The following AKAP12 variants were observed in gnomAD, a reference collection of about 807,000 sequenced individuals.
The protein encoded by AKAP12 is A-kinase anchoring protein 12, also known as A-kinase anchor protein 12.
AKAP12 carries 32 observed loss-of-function variants against 79.9 expected under a neutral mutation model. The observed-to-expected ratio is 0.40, with a 90% confidence interval of 0.30 to 0.54. AKAP12 has a LOEUF of 0.54. AKAP12 is among the 20% of genes least tolerant of loss of function. AKAP12 has a pLI of 0.48. For missense variants in AKAP12, 2,074 were observed against 2,177.0 expected (o/e 0.95, Z 0.94); for synonymous variants, 808 against 857.0 (o/e 0.94, Z 1.00).
intron 3 of AKAP12, among the ~76,000 whole-genome samples, chr6:151,332,458 G>A (rs1777701238): frequency 6.6e-6 from 1 of 152,148 alleles, no homozygotes; most frequent in Non-Finnish European, 1.5e-5. Flanking sequence ...TCTTTTCCAA[G>A]TAATGTTTTC....
intron 2 of AKAP12, among the ~76,000 whole-genome samples, chr6:151,241,150 A>C (rs572467456): frequency 6.6e-6 from 1 of 152,278 alleles, no homozygotes; most frequent in East Asian, 1.9e-4. Context: ...CTGTGAGGCC[A>C]GGACTCGTGG....
rs751044086 is a variant in AKAP12 at position 151,353,688 on chromosome 6, A to T, written c.5297A>T (p.Glu1766Val). ...DKAITPQAQE[E>V]LQKQERESAK... ...GCGATCACACCCCAAGCACAGGAGGAGTTACAGAAACAAGAGAGAGAATCT... is the reference window on the plus strand; with the variant it reads ...GCGATCACACCCCAAGCACAGGAGGTGTTACAGAAACAAGAGAGAGAATCT... Residue 1766 changes from glutamate to valine, a missense_variant, in exon 4 of 5, where the codon GAG (glutamate) becomes GTG (valine). Physicochemically the swap from Glu to Val is moderately radical, Grantham distance 121. Transcript: ENST00000402676. 1 of 1,610,208 alleles carries T rather than the reference A, an allele frequency of 6.2e-7. No homozygotes were observed. Among genetic ancestry groups the T allele is most frequent in the Non-Finnish European group, 8.5e-7 (1 of 1,178,818 alleles).
At chr6:151,271,326 T>A (rs1312107546) in intron 2 of AKAP12, among the ~76,000 whole-genome samples, 1 of 65,272 alleles carries the variant, frequency 1.5e-5, no homozygotes. Flanking sequence ...ACGAAGAAAC[T>A]TTTTTTTTTT....
Position 151,357,134 on chromosome 6 carries a change from T to A in AKAP12, c.*1420T>A. 1 of 152,316 alleles carries A rather than the reference T, an allele frequency of 6.6e-6. No individual in the cohort carries two copies. The highest frequency in any genetic ancestry group is 2.1e-4 in the South Asian group (1 of 4,826). 9.4% of individuals were successfully genotyped at this position (152,316 alleles called of 1,614,324 possible). A position where few individuals can be genotyped will look rare whatever the true frequency, so the allele number is the denominator to read the frequency against. Reference sequence around the variant, plus strand: ...CCTGAAATAATCTTGGAAAATTTTTTAAATGTCAAAATGATGAGTCATGCT... The same window carrying A: ...CCTGAAATAATCTTGGAAAATTTTTAAAATGTCAAAATGATGAGTCATGCT... On this transcript the variant is annotated 3_prime_UTR_variant, in exon 5 of 5. Coordinates refer to ENST00000402676, the MANE Select transcript of AKAP12 (RefSeq NM_005100.4).
intron 3 of AKAP12, chr6:151,325,700 G>A: frequency 6.9e-7 from 1 of 1,459,212 alleles, no homozygotes. Context: ...CAGCTCCGAG[G>A]GCACCTCCGG....
At chr6:151,345,229 C>A (rs1018380514) in intron 3 of AKAP12, among the ~76,000 whole-genome samples, 2 of 151,872 alleles carry the variant, frequency 1.3e-5, no homozygotes. Flanking sequence ...GCGCCTGCCA[C>A]CACGCCTGGC....
At chr6:151,271,530 C>G (rs1776181333) in intron 2 of AKAP12, among the ~76,000 whole-genome samples, 1 of 152,018 alleles carries the variant, frequency 6.6e-6, no homozygotes, top group Non-Finnish European at 1.5e-5. Flanking sequence ...CTATATTGCC[C>G]AGACTGGTCT....
chr6:151,332,033 GTTT>G (rs71014573), intron 3 of AKAP12, among the ~76,000 whole-genome samples: 2 of 79,686 alleles, frequency 2.5e-5, no homozygotes, highest in African/African-American at 5.4e-5. Context: ...TTCTGGGTCT[GTTT>G]TTTTTTTTTT....
intron 2 of AKAP12, among the ~76,000 whole-genome samples, chr6:151,289,521 A>G (rs1056991913): frequency 1.3e-4 from 20 of 152,238 alleles, no homozygotes; most frequent in African/African-American, 4.6e-4. Context: ...TGTGGTTTCC[A>G]TAGGGCTTTG....
intron 2 of AKAP12, among the ~76,000 whole-genome samples, chr6:151,262,368 A>G (rs1468740452): frequency 2.0e-5 from 3 of 152,226 alleles, no homozygotes; most frequent in Non-Finnish European, 2.9e-5. Context: ...GTTTATTTTA[A>G]GTACTTTTTC....
At chr6:151,347,094 C>G (rs1431406052) in intron 3 of AKAP12, among the ~76,000 whole-genome samples, 24 of 152,224 alleles carry the variant, frequency 1.6e-4, no homozygotes, top group Admixed American at 1.6e-3. Flanking sequence ...AATCGTCACT[C>G]TCATAAAATA....
chr6:151,303,408 A>T (rs1776902069), intron 2 of AKAP12, among the ~76,000 whole-genome samples: 1 of 152,236 alleles, frequency 6.6e-6, no homozygotes, highest in South Asian at 2.1e-4. Context: ...TTTGAAGCCA[A>T]CAATCCCATC....
Position 151,349,255 on chromosome 6 carries a change from G to A in AKAP12, c.864G>A (p.Val288=). 2 of 1,613,604 alleles carry A rather than the reference G, an allele frequency of 1.2e-6. No homozygotes were observed. The highest frequency in any genetic ancestry group is 1.7e-6 in the Non-Finnish European group (2 of 1,179,942). ...SKSAESPTSP[V]TSETGSTFKK... ...CTGCAGAATCTCCGACTAGTCCCGT[G>A]ACCAGTGAAACAGGATCAACCTTCA... Residue 288 remains valine, a synonymous_variant, in exon 4 of 5, where the codon GTG becomes GTA. Transcript: ENST00000402676.
Position 151,312,211 on chromosome 6 carries a change from C to T in AKAP12, c.319+6308C>T, listed in dbSNP as rs188501034. The stretch of plus-strand genomic sequence containing the variant: ...CAAGCCCAGGTGCGGTGACTTACAA[C>T]GGTAATCCCAGCACTTTGGGAGGCC... On this transcript the variant is annotated intron_variant, in intron 3 of 4. Transcript: ENST00000402676. 8.5e-5 allele frequency among the ~76,000 whole-genome samples: 13 copies of T among 152,254 alleles called. No homozygotes were observed. In the East Asian group the frequency reaches 1.5e-3, roughly 18 times the overall value.
rs1369975422 is a variant in AKAP12 at position 151,271,723 on chromosome 6, GATT to G, written c.162+31000_162+31002del. ...CGCCCAGGCTGGAGTGCAGTGGTGC[GATT>G]TCGGCTCACTGCAACCTCTGCCTCC... On this transcript the variant is annotated intron_variant, in intron 2 of 4. Coordinates refer to ENST00000402676, the MANE Select transcript of AKAP12 (RefSeq NM_005100.4). 3.9e-5 allele frequency among the ~76,000 whole-genome samples: 6 copies of G among 152,190 alleles called. No individual in the cohort carries two copies. In the East Asian group the frequency reaches 7.7e-4, roughly 20 times the overall value.
chr6:151,260,002 AAC>A (rs1311122952), intron 2 of AKAP12, among the ~76,000 whole-genome samples: 1 of 151,914 alleles, frequency 6.6e-6, no homozygotes, highest in Non-Finnish European at 1.5e-5. Flanking sequence ...GAGGGTTCCT[AAC>A]ACAGTTGTTT....
chr6:151,326,024 C>T (rs1777515075), intron 3 of AKAP12: 3 of 1,179,534 alleles, frequency 2.5e-6, no homozygotes. Context: ...ATTTATTTCT[C>T]TCCGTGTACT....
intron 3 of AKAP12, among the ~76,000 whole-genome samples, chr6:151,329,123 C>CTTT (rs5880925): frequency 2.7e-5 from 4 of 150,706 alleles, no homozygotes; most frequent in African/African-American, 7.3e-5. Context: ...ATAAAAATGC[C>CTTT]TTTTTTTTTG....
At chr6:151,267,014 C>CAAAAAAAAAAAA (rs34974747) in intron 2 of AKAP12, among the ~76,000 whole-genome samples, 2 of 35,340 alleles carry the variant, frequency 5.7e-5, no homozygotes, top group African/African-American at 7.5e-5. Flanking sequence ...GACTCCATCT[C>CAAAAAAAAAAAA]AAAAAAAAAA....
Sources: gnomAD v4.1 joint callset for allele counts (sites outside exome capture counted in the v4.1 genomes callset) on GRCh38, gnomAD v4.1.1 for gene constraint, MANE v1.5 for transcripts, NCBI Gene and HGNC (gene_info 2026-07-23, HGNC 2026-07-21) for gene names.